ADD1: variants seen among roughly 807,000 people sequenced by gnomAD.
The protein encoded by ADD1 is alpha-adducin.
A neutral mutation model predicts 80.5 loss-of-function variants in ADD1; 24 were observed. The ratio of observed to expected loss-of-function variants is 0.30; its 90% CI spans 0.22 to 0.42. The LOEUF is 0.42. Ranked by LOEUF, ADD1 falls within the 10% of genes least tolerant of loss-of-function variation. The pLI, the probability that ADD1 is intolerant of heterozygous loss-of-function variation, is 1.00. For synonymous variants in ADD1, 373 were observed against 393.8 expected, an observed-to-expected ratio of 0.95 and a Z score of 0.63; for missense variants, 948 against 1,019.0, an observed-to-expected ratio of 0.93 and a Z score of 0.95.
At chr4:2,903,396 G>C (rs527761160) in intron 9 of ADD1, among the ~76,000 whole-genome samples, 3 of 152,192 alleles carry the variant, frequency 2.0e-5, no homozygotes, top group Non-Finnish European at 4.4e-5. Context: ...TTATTTCCTA[G>C]CTTCTGTGGG....
chr4:2,868,797 G>T (rs1178870086), intron 1 of ADD1, among the ~76,000 whole-genome samples: 1 of 152,204 alleles, frequency 6.6e-6, no homozygotes, highest in African/African-American at 2.4e-5. Flanking sequence ...GGTGGGAATG[G>T]TGTATGTTGA....
At chr4:2,896,985 C>G (rs1735354480) in intron 6 of ADD1, among the ~76,000 whole-genome samples, 1 of 152,114 alleles carries the variant, frequency 6.6e-6, no homozygotes, top group Admixed American at 6.5e-5. Flanking sequence ...GTCTCGAACT[C>G]CTGGCTTCAA....
At chr4:2,863,408 A>G (rs910920678) in intron 1 of ADD1, among the ~76,000 whole-genome samples, 6 of 152,012 alleles carry the variant, frequency 3.9e-5, no homozygotes, top group Non-Finnish European at 8.8e-5. Context: ...TAATATAGGA[A>G]AGTGGTAGTA....
At position 2,928,312 on chromosome 4, in the gene ADD1, C is replaced by G. The variant is rs1256481235; in HGVS notation, c.2189C>G (p.Pro730Arg). ...AAGGAGGAGGAAGCCCATAGACCCCCAAGCCCCACTGAGGCCCCTACTGAG... is the reference window on the plus strand; with the variant it reads ...AAGGAGGAGGAAGCCCATAGACCCCGAAGCCCCACTGAGGCCCCTACTGAG... Reference protein sequence around the residue: ...LEKEEEAHRPPSPTEAPTEAS... With the variant: ...LEKEEEAHRPRSPTEAPTEAS... Residue 730 changes from proline (P) to arginine (R), a missense_variant, in exon 16 of 16, where the codon CCA becomes CGA. Transcript: ENST00000683351. The G allele has an allele frequency of 5.0e-6, 8 of 1,614,076 alleles. No individual in the cohort carries two copies. The highest frequency in any genetic ancestry group is 1.3e-5 in the African/African-American group (1 of 75,036).
chr4:2,881,121 A>T (rs1473209599), intron 2 of ADD1, among the ~76,000 whole-genome samples: 2 of 110,982 alleles, frequency 1.8e-5, no homozygotes, highest in African/African-American at 7.4e-5. Context: ...TCTGTTGCCC[A>T]GGCTGGAGTG....
In ADD1 at chr4:2,914,907, G is replaced by A. The variant is rs760395986; in HGVS notation, c.1815G>A (p.Lys605=). Residue 605 remains lysine, a synonymous_variant, in exon 14 of 16, where the codon AAG becomes AAA. Transcript: ENST00000683351. ...AGGGAGAGCTGGTGACGGCCTCCAA[G>A]GCCATCATTGAAAAGGAGTACCAGC... ...FRKGELVTAS[K]AIIEKEYQPH... is the part of the protein sequence containing the mutation. 6.2e-7 allele frequency: 1 copy of A among 1,613,276 alleles called. No homozygotes were observed. Among genetic ancestry groups the A allele is most frequent in the Non-Finnish European group, 8.5e-7 (1 of 1,179,608 alleles).
intron 14 of ADD1, among the ~76,000 whole-genome samples, chr4:2,920,619 A>G (rs1739845141): frequency 6.8e-6 from 1 of 147,960 alleles, no homozygotes; most frequent in Non-Finnish European, 1.5e-5. Context: ...TTGTTGGCTT[A>G]AAGTCTGTTT....
At chr4:2,906,393 CAA>C (rs111722982) in intron 10 of ADD1, among the ~76,000 whole-genome samples, 1 of 137,550 alleles carries the variant, frequency 7.3e-6, no homozygotes, top group Non-Finnish European at 1.6e-5. Flanking sequence ...CGTTATAAAA[CAA>C]AAAAAAAAAA....
intron 1 of ADD1, among the ~76,000 whole-genome samples, chr4:2,870,809 G>T (rs1577490211): frequency 6.6e-6 from 1 of 152,140 alleles, no homozygotes; most frequent in African/African-American, 2.4e-5. Context: ...ATTGTCATTT[G>T]TGTTTTTTTG....
At chr4:2,844,723 G>T (rs958026396) in intron 1 of ADD1, 2 of 152,130 alleles carry the variant, frequency 1.3e-5, no homozygotes, top group African/African-American at 4.8e-5. Context: ...AACGTATTTT[G>T]GTTCGCCTGA....
intron 1 of ADD1, among the ~76,000 whole-genome samples, chr4:2,874,765 T>C (rs1731007637): frequency 6.6e-6 from 1 of 152,352 alleles, no homozygotes; most frequent in Admixed American, 6.5e-5. Flanking sequence ...AATATCTTTT[T>C]TGCATAATAA....
chr4:2,873,054 CAT>C (rs1301814583), intron 1 of ADD1, among the ~76,000 whole-genome samples: 3 of 151,970 alleles, frequency 2.0e-5, no homozygotes, highest in Non-Finnish European at 4.4e-5. Flanking sequence ...AGTGCAGCGG[CAT>C]GACTCAGCTC....
rs1356984646 is a variant in ADD1 at position 2,908,578 on chromosome 4, G to T, written c.1672G>T (p.Val558Leu). ...CCCTCAGTCCCAGGTTTTGTGTGGT[G>T]TAGTGATGGACAGGAGCCTCGTCCA... The part of the protein sequence containing the change: ...AGPQSQVLCG[V>L]VMDRSLVQDA... The change falls in exon 12 of 16, where the codon GTA becomes TTA. Residue 558 changes from valine (V) to leucine (L), a missense_variant. Coordinates refer to ENST00000683351, the MANE Select transcript of ADD1 (RefSeq NM_001354761.2). 1.2e-6 allele frequency: 2 copies of T among 1,614,148 alleles called. No individual in the cohort carries two copies. Among genetic ancestry groups the T allele is most frequent in the Admixed American group, 1.7e-5 (1 of 60,012 alleles).
intron 1 of ADD1, among the ~76,000 whole-genome samples, chr4:2,857,246 A>G (rs1306994093): frequency 6.6e-6 from 1 of 152,194 alleles, no homozygotes; most frequent in Non-Finnish European, 1.5e-5. Context: ...TTTAATTCGC[A>G]AATTCCTCTT....
chr4:2,891,267 A>G (rs1734258938), intron 4 of ADD1, among the ~76,000 whole-genome samples: 1 of 152,118 alleles, frequency 6.6e-6, no homozygotes, highest in African/African-American at 2.4e-5. Context: ...AGCCTGGCTG[A>G]CGTGGTGAAA....
At chr4:2,897,538 C>T (rs1012194469) in intron 6 of ADD1, among the ~76,000 whole-genome samples, 1 of 137,886 alleles carries the variant, frequency 7.3e-6, no homozygotes, top group Admixed American at 7.7e-5. Context: ...GGAAAACCTC[C>T]TCCTTTTTTT....
chr4:2,858,860 C>T (rs1009780271), intron 1 of ADD1, among the ~76,000 whole-genome samples: 2 of 152,140 alleles, frequency 1.3e-5, no homozygotes, highest in African/African-American at 4.8e-5. Flanking sequence ...TATTATGGGA[C>T]GTCTATGTGC....
At chr4:2,881,689 G>A in intron 2 of ADD1, 1 of 424,196 alleles carries the variant, frequency 2.4e-6, no homozygotes, top group Non-Finnish European at 4.1e-6. Context: ...TAGAATTCCT[G>A]TTCAGAGTTT....
At chr4:2,854,474 G>C (rs1727777627) in intron 1 of ADD1, among the ~76,000 whole-genome samples, 3 of 152,150 alleles carry the variant, frequency 2.0e-5, no homozygotes, top group Non-Finnish European at 4.4e-5. Context: ...GAGCAATGTG[G>C]TAGATTATTA....
Sources: allele counts gnomAD v4.1 joint callset (sites outside exome capture counted in the v4.1 genomes callset), GRCh38; gene constraint gnomAD v4.1.1; transcripts MANE v1.5; gene names NCBI Gene and HGNC (gene_info 2026-07-23, HGNC 2026-07-21).